CCDC6: variants seen among roughly 807,000 people sequenced by gnomAD.
The protein encoded by CCDC6 is coiled-coil domain-containing protein 6.
CCDC6 carries 20 observed loss-of-function variants against 56.6 expected under a neutral mutation model. That is an observed-to-expected ratio of 0.35 (90% CI 0.25 to 0.51). The LOEUF (loss-of-function observed/expected upper bound fraction) is 0.51, where lower values mean the gene tolerates loss of function less well. CCDC6 is among the 20% of genes least tolerant of loss of function. The pLI, the probability that CCDC6 is intolerant of heterozygous loss-of-function variation, is 0.95. For synonymous variants in CCDC6, 241 were observed against 234.4 expected (o/e 1.03, Z -0.26); for missense variants, 367 against 601.1 (o/e 0.61, Z 4.07).
At chr10:59,847,967 C>T (rs1237911294) in intron 2 of CCDC6, among the ~76,000 whole-genome samples, 5 of 152,088 alleles carry the variant, frequency 3.3e-5, no homozygotes, top group Admixed American at 6.5e-5. Flanking sequence ...GTTCTCCCCA[C>T]GTCTATGCGG....
intron 4 of CCDC6, 52 bp downstream of exon 4, chr10:59,814,598 CAA>C: frequency 1.1e-6 from 1 of 930,776 alleles, no homozygotes; most frequent in Non-Finnish European, 1.7e-6. Flanking sequence ...CCCAGAGCAG[CAA>C]CACACACACA....
At chr10:59,856,240 C>T (rs150609918) in intron 1 of CCDC6, among the ~76,000 whole-genome samples, 6 of 151,562 alleles carry the variant, frequency 4.0e-5, no homozygotes, top group East Asian at 1.9e-4. Flanking sequence ...GTCCTCCAAA[C>T]GTAAAACCCC....
chr10:59,884,073 A>G (rs117695688), intron 1 of CCDC6, among the ~76,000 whole-genome samples: 2,606 of 152,324 alleles, frequency 0.017, 31 homozygotes, highest in Middle Eastern at 0.044. Flanking sequence ...TCTTACTAAG[A>G]GAAGCATTTG....
intron 3 of CCDC6, among the ~76,000 whole-genome samples, chr10:59,829,085 G>T (rs760899818): frequency 3.9e-5 from 6 of 152,194 alleles, no homozygotes; most frequent in Non-Finnish European, 7.3e-5. Flanking sequence ...TAATTGAAGT[G>T]TCCATACCAA....
At chr10:59,803,677 T>G (rs1212071767) in intron 7 of CCDC6, among the ~76,000 whole-genome samples, 1 of 152,206 alleles carries the variant, frequency 6.6e-6, no homozygotes, top group Non-Finnish European at 1.5e-5. Context: ...GAGAGCCCCA[T>G]GCCATGCTGG....
intron 1 of CCDC6, among the ~76,000 whole-genome samples, chr10:59,868,833 T>C (rs938782767): frequency 2.0e-5 from 3 of 152,166 alleles, no homozygotes; most frequent in Non-Finnish European, 1.5e-5. Context: ...CAATGCCACA[T>C]TGGGGGAATT....
chr10:59,805,198 A>G (rs1333033884), intron 6 of CCDC6: 1 of 152,362 alleles, frequency 6.6e-6, no homozygotes, highest in African/African-American at 2.4e-5. Context: ...TGGTGCGCTG[A>G]CGAGGAGAAA....
intron 7 of CCDC6, among the ~76,000 whole-genome samples, chr10:59,798,733 G>A (rs1226220081): frequency 6.6e-6 from 1 of 152,112 alleles, no homozygotes; most frequent in Non-Finnish European, 1.5e-5. Context: ...GGTGGCTCAC[G>A]CCTGTAATCC....
Position 59,810,771 on chromosome 10 carries a change from T to C in CCDC6, c.847+1864A>G, listed in dbSNP as rs538485658. ...TGCTAGAATAGTGATTCCCTAAAGA[T>C]GTCCACATGCTAATCCCCAAAACCT... On this transcript the variant is annotated intron_variant, in intron 5 of 8. Coordinates refer to ENST00000263102, the MANE Select transcript of CCDC6 (RefSeq NM_005436.5). 5.3e-5 allele frequency among the ~76,000 whole-genome samples: 8 copies of C among 152,216 alleles called. No homozygotes were observed. In the South Asian group the frequency reaches 1.0e-3, roughly 20 times the overall value.
intron 1 of CCDC6, among the ~76,000 whole-genome samples, chr10:59,880,787 TA>T (rs1460711089): frequency 1.3e-5 from 2 of 152,188 alleles, no homozygotes; most frequent in African/African-American, 2.4e-5. Context: ...CTTCCATCTG[TA>T]AATGAGGATA....
rs754359397 is a variant in CCDC6, at chr10:59,794,562, G to T, written c.1141C>A (p.Pro381Thr). The T allele has an allele frequency of 1.9e-6, 3 of 1,613,586 alleles. No homozygotes were observed. Among genetic ancestry groups the T allele is most frequent in the Non-Finnish European group, 2.5e-6 (3 of 1,179,522 alleles). Residue 381 changes from proline (P) to threonine (T), a missense_variant, in exon 8 of 9, where the codon CCA becomes ACA. Transcript: ENST00000263102. ...CCAGCTCTAGTCAGTGAAGTTGGTGGCGTGAAACCAACCGTGTGACTTGCA... is the reference window on the plus strand; with the variant it reads ...CCAGCTCTAGTCAGTGAAGTTGGTGTCGTGAAACCAACCGTGTGACTTGCA... Reference protein sequence around the residue: ...SYASHTVGFTPPTSLTRAGMS... With the variant: ...SYASHTVGFTTPTSLTRAGMS...
intron 1 of CCDC6, among the ~76,000 whole-genome samples, chr10:59,873,536 T>C (rs1051087192): frequency 3.9e-5 from 6 of 152,144 alleles, no homozygotes; most frequent in African/African-American, 1.4e-4. Context: ...TCCAGAACTG[T>C]GAGAAAATTA....
intron 1 of CCDC6, among the ~76,000 whole-genome samples, chr10:59,892,973 A>G (rs1264949102): frequency 6.6e-6 from 1 of 152,246 alleles, no homozygotes; most frequent in African/African-American, 2.4e-5. Flanking sequence ...TCTAAAACTG[A>G]AAATAATTTC....
At chr10:59,817,530 A>T (rs2070718124) in intron 3 of CCDC6, among the ~76,000 whole-genome samples, 1 of 152,134 alleles carries the variant, frequency 6.6e-6, no homozygotes, top group South Asian at 2.1e-4. Flanking sequence ...ACCTTTAAGG[A>T]TCCCAATTCC....
chr10:59,892,430 C>A (rs1421502113), intron 1 of CCDC6, among the ~76,000 whole-genome samples: 1 of 152,108 alleles, frequency 6.6e-6, no homozygotes, highest in Non-Finnish European at 1.5e-5. Flanking sequence ...CCCAGGCATC[C>A]CCAAGCACCA....
chr10:59,867,691 C>A (rs1269588729), intron 1 of CCDC6, among the ~76,000 whole-genome samples: 1 of 152,144 alleles, frequency 6.6e-6, no homozygotes, highest in Non-Finnish European at 1.5e-5. Context: ...GTAGCTGGGA[C>A]TACAGGTGCA....
At chr10:59,812,606 T>C (rs747129817) in intron 5 of CCDC6, 29 bp downstream of exon 5, 19 of 1,546,032 alleles carry the variant, frequency 1.2e-5, no homozygotes, top group Admixed American at 3.6e-5. Flanking sequence ...TCTACAGGCA[T>C]GAAACTAGTG....
At chr10:59,882,098 G>A (rs200663442) in intron 1 of CCDC6, among the ~76,000 whole-genome samples, 182 of 111,664 alleles carry the variant, frequency 1.6e-3, no homozygotes, top group East Asian at 3.2e-3. Flanking sequence ...AAAGCCGGGG[G>A]GAGAAGGAAA....
chr10:59,827,785 A>T (rs1459241347), intron 3 of CCDC6, among the ~76,000 whole-genome samples: 1 of 152,208 alleles, frequency 6.6e-6, no homozygotes. Context: ...ACACAGGGCC[A>T]ACTACAGGAA....
Sources: allele counts gnomAD v4.1 joint callset (sites outside exome capture counted in the v4.1 genomes callset), GRCh38; gene constraint gnomAD v4.1.1; transcripts MANE v1.5; gene names NCBI Gene and HGNC (gene_info 2026-07-23, HGNC 2026-07-21).